The following SKA2 variants were observed in gnomAD, a reference collection of about 807,000 sequenced individuals.
SKA2 encodes spindle and kinetochore-associated protein 2.
Under a neutral mutation model 16.9 loss-of-function variants are expected in SKA2, and 13 were observed. The observed-to-expected ratio is 0.77, with a 90% CI of 0.50 to 1.22. The LOEUF (loss-of-function observed/expected upper bound fraction) is 1.22. SKA2 is among the 50% of genes most tolerant of loss of function. The pLI is 0.00. For missense variants in SKA2, 107 were observed against 139.7 expected (o/e 0.77, Z 1.18); for synonymous variants, 47 against 48.5 (o/e 0.97, Z 0.13).
intron 1 of SKA2, among the ~76,000 whole-genome samples, chr17:59,154,319 T>G (rs2046603465): frequency 1.3e-5 from 2 of 151,960 alleles, no homozygotes. Context: ...AGAGAACAAG[T>G]GAGGGACGGA....
chr17:59,154,172 G>GAAAAA (rs111310705), intron 1 of SKA2, among the ~76,000 whole-genome samples: 2 of 114,836 alleles, frequency 1.7e-5, no homozygotes, highest in African/African-American at 3.2e-5. Context: ...CCCAACCTGG[G>GAAAAA]AAAAAAAAAA....
intron 2 of SKA2, among the ~76,000 whole-genome samples, chr17:59,126,171 AAAAT>A (rs1187548978): frequency 1.4e-5 from 2 of 146,588 alleles, no homozygotes; most frequent in Non-Finnish European, 3.0e-5. Context: ...ACTCCGTCTC[AAAAT>A]AAATAAATGA....
chr17:59,141,642 T>C (rs1174227537), intron 1 of SKA2, among the ~76,000 whole-genome samples: 1 of 150,338 alleles, frequency 6.7e-6, no homozygotes, highest in Non-Finnish European at 1.5e-5. Context: ...GAAATAGGCT[T>C]GAGCCCGGGA....
chr17:59,127,015 A>C (rs1312432533), intron 2 of SKA2, among the ~76,000 whole-genome samples: 1 of 152,214 alleles, frequency 6.6e-6, no homozygotes, highest in African/African-American at 2.4e-5. Context: ...TCACAAAAAG[A>C]CAAATATTAT....
intron 2 of SKA2, among the ~76,000 whole-genome samples, chr17:59,121,512 G>A (rs578182033): frequency 2.7e-5 from 4 of 149,198 alleles, no homozygotes; most frequent in East Asian, 2.0e-4. Context: ...AAAATTAGCC[G>A]GGCATTGTGG....
intron 1 of SKA2, 181 bp downstream of exon 1, chr17:59,154,950 C>T: frequency 1.2e-6 from 2 of 1,613,904 alleles, no homozygotes; most frequent in Admixed American, 1.7e-5. Flanking sequence ...GGATGTAACC[C>T]CTTACCCGAG....
chr17:59,144,560 C>T (rs1395914919), intron 1 of SKA2, among the ~76,000 whole-genome samples: 1 of 152,110 alleles, frequency 6.6e-6, no homozygotes, highest in Non-Finnish European at 1.5e-5. Flanking sequence ...TACATACGTA[C>T]AATGGAATCT....
At chr17:59,118,541 A>G (rs1348736913) in intron 3 of SKA2, among the ~76,000 whole-genome samples, 3 of 152,238 alleles carry the variant, frequency 2.0e-5, no homozygotes, top group Admixed American at 1.3e-4. Flanking sequence ...AGGCACATAT[A>G]ATGAAGAATG....
At chr17:59,119,706 G>A (rs957661099) in intron 2 of SKA2, among the ~76,000 whole-genome samples, 1 of 151,908 alleles carries the variant, frequency 6.6e-6, no homozygotes, top group Non-Finnish European at 1.5e-5. Context: ...TTATAGCCTA[G>A]GTACAGAAAT....
intron 2 of SKA2, 74 bp from the exon 3 acceptor site, chr17:59,119,569 C>T: frequency 7.8e-7 from 1 of 1,277,292 alleles, no homozygotes; most frequent in Non-Finnish European, 1.1e-6. Context: ...ATACTGTATA[C>T]ATACAACACA....
At chr17:59,133,931 A>G (rs2046427054) in intron 1 of SKA2, among the ~76,000 whole-genome samples, 1 of 152,190 alleles carries the variant, frequency 6.6e-6, no homozygotes. Context: ...TAAGCCAGAA[A>G]AATTAATGTT....
intron 3 of SKA2, 124 bp downstream of exon 3, chr17:59,119,195 A>G: frequency 1.9e-6 from 2 of 1,032,700 alleles, no homozygotes; most frequent in Non-Finnish European, 2.8e-6. Context: ...GGGTATCAGG[A>G]AAATCTTTCA....
intron 1 of SKA2, among the ~76,000 whole-genome samples, chr17:59,147,846 A>AT (rs1306037941): frequency 1.3e-4 from 19 of 148,428 alleles, no homozygotes; most frequent in Middle Eastern, 3.5e-3. Flanking sequence ...AAAAAAAAAA[A>AT]TTTTTTTTTT....
chr17:59,144,775 A>G (rs1018332940), intron 1 of SKA2, among the ~76,000 whole-genome samples: 5 of 152,084 alleles, frequency 3.3e-5, no homozygotes, highest in Admixed American at 3.3e-4. Flanking sequence ...GGGGAGGGGA[A>G]AAGAGGAGTA....
In SKA2 at chr17:59,154,184, A is replaced by AG. The variant is rs1555714043; in HGVS notation, c.33+946_33+947insC. ...CAGCCCAACCTGGGAAAAAAAAAAAAAAAGAAAAGAAAAGAAAAAAAAGAT... is the reference window on the plus strand; with the variant it reads ...CAGCCCAACCTGGGAAAAAAAAAAAAGAAAGAAAAGAAAAGAAAAAAAAGAT... On this transcript the variant is annotated intron_variant, in intron 1 of 3. Coordinates refer to ENST00000330137, the MANE Select transcript of SKA2 (RefSeq NM_182620.4). Among the ~76,000 whole-genome samples the AG allele has an allele frequency of 1.3e-3, 196 of 149,418 alleles. 1 individual carries two copies. In the Middle Eastern group the frequency reaches 0.024, roughly 18 times the overall value.
intron 1 of SKA2, among the ~76,000 whole-genome samples, chr17:59,152,695 G>A (rs1350489052): frequency 6.6e-6 from 1 of 151,898 alleles, no homozygotes; most frequent in Non-Finnish European, 1.5e-5. Context: ...AAAATAAACT[G>A]GTCCACAAGT....
At chr17:59,117,855 G>T (rs966244650) in intron 3 of SKA2, 6 of 152,094 alleles carry the variant, frequency 3.9e-5, no homozygotes, top group African/African-American at 1.4e-4. Flanking sequence ...CTTCTTGTTT[G>T]CCATAACTTG....
intron 2 of SKA2, chr17:59,124,318 C>T (rs1665932461): frequency 6.6e-6 from 1 of 151,798 alleles, no homozygotes; most frequent in African/African-American, 2.4e-5. Flanking sequence ...TGTATTTCCA[C>T]CTACGCAGGA....
chr17:59,136,749 A>G (rs910248767), intron 1 of SKA2, among the ~76,000 whole-genome samples: 7 of 151,896 alleles, frequency 4.6e-5, no homozygotes, highest in African/African-American at 1.7e-4. Context: ...GGGTTTCACC[A>G]TGTTGGCCAG....
Sources: gnomAD v4.1 joint callset for allele counts (sites outside exome capture counted in the v4.1 genomes callset) on GRCh38, gnomAD v4.1.1 for gene constraint, MANE v1.5 for transcripts, NCBI Gene and HGNC (gene_info 2026-07-23, HGNC 2026-07-21) for gene names.